LDB2: variants seen among roughly 807,000 people sequenced by gnomAD.
LDB2 encodes LIM domain binding 2.
In LDB2, 12 loss-of-function variants were observed where a neutral mutation model predicts 44.3. The observed-to-expected ratio is 0.27, with a 90% CI of 0.17 to 0.44. The LOEUF (loss-of-function observed/expected upper bound fraction) is 0.44. Ranked by LOEUF, LDB2 falls within the 20% of genes least tolerant of loss-of-function variation. The pLI is 1.00. For missense variants in LDB2, 344 were observed against 473.5 expected, an observed-to-expected ratio of 0.73 and a Z score of 2.54; for synonymous variants, 164 against 174.8, an observed-to-expected ratio of 0.94 and a Z score of 0.49.
intron 1 of LDB2, among the ~76,000 whole-genome samples, chr4:16,817,714 TA>T (rs1781212959): frequency 6.6e-6 from 1 of 152,214 alleles, no homozygotes; most frequent in African/African-American, 2.4e-5. Context: ...ATCCTCAAAG[TA>T]ATCATATAAG....
intron 5 of LDB2, among the ~76,000 whole-genome samples, chr4:16,560,693 G>A (rs1741792935): frequency 6.6e-6 from 1 of 152,182 alleles, no homozygotes; most frequent in African/African-American, 2.4e-5. Flanking sequence ...TAGAAAAAGA[G>A]GGAATCCTCC....
At chr4:16,614,655 A>G (rs1015079883) in intron 2 of LDB2, among the ~76,000 whole-genome samples, 11 of 151,998 alleles carry the variant, frequency 7.2e-5, no homozygotes, top group Non-Finnish European at 1.6e-4. Flanking sequence ...TACTTCTTAA[A>G]AAAAGATATT....
At chr4:16,866,165 G>A (rs1346408631) in intron 1 of LDB2, among the ~76,000 whole-genome samples, 1 of 152,092 alleles carries the variant, frequency 6.6e-6, no homozygotes, top group Non-Finnish European at 1.5e-5. Context: ...TCCGCGAAGT[G>A]CCATTTAAAA....
intron 1 of LDB2, among the ~76,000 whole-genome samples, chr4:16,828,810 A>G (rs1783530760): frequency 1.3e-5 from 2 of 152,212 alleles, no homozygotes; most frequent in Non-Finnish European, 2.9e-5. Flanking sequence ...AGATCATTCA[A>G]TGAATTCTTG....
At position 16,747,410 on chromosome 4, in the gene LDB2, C is replaced by T. The variant is rs56855869; in HGVS notation, c.235+11748G>A. 8.9e-3 allele frequency among the ~76,000 whole-genome samples: 1,347 copies of T among 152,078 alleles called. 26 individuals carry two copies. Among genetic ancestry groups the T allele is most frequent in the African/African-American group, 0.031 (1,285 of 41,490 alleles). On this transcript the variant is annotated intron_variant, in intron 2 of 7. Transcript: ENST00000304523. ...TTTATTTACATAATCAGTGAAACAC[C>T]GTTTATCATTTCTTTTATGGTCCTA...
intron 2 of LDB2, among the ~76,000 whole-genome samples, chr4:16,733,007 A>C (rs1046829584): frequency 4.6e-5 from 7 of 152,174 alleles, no homozygotes; most frequent in Non-Finnish European, 7.3e-5. Flanking sequence ...TCAAATCACA[A>C]TTGGGAGAAC....
In LDB2 at chr4:16,585,951, G is replaced by C. The variant is rs1365496425; in HGVS notation, c.586C>G (p.Leu196Val). 1.2e-6 allele frequency: 2 copies of C among 1,613,734 alleles called. No homozygotes were observed. Among genetic ancestry groups the C allele is most frequent in the East Asian group, 4.5e-5 (2 of 44,864 alleles). ...QLSKNITRMG[L>V]TNFTLNYLRL... is the part of the protein sequence containing the mutation. ...AGGTAGTTGAGGGTGAAGTTTGTTA[G>C]CCCCATCCTGGTGATGTTTTTGGAC... Residue 196 changes from leucine to valine, a missense_variant, in exon 5 of 8, where the codon CTA becomes GTA. Transcript: ENST00000304523.
At position 16,749,567 on chromosome 4, in the gene LDB2, A is replaced by T. The variant is rs10005399; in HGVS notation, c.235+9591T>A. ...GAGCAAGACTCCATCTCAAAAAAAA[A>T]AAAAATAAAAAAATAAAAAAAAATA... On this transcript the variant is annotated intron_variant, in intron 2 of 7. Coordinates refer to ENST00000304523, the MANE Select transcript of LDB2 (RefSeq NM_001290.5). 9.1e-3 allele frequency among the ~76,000 whole-genome samples: 1,253 copies of T among 137,030 alleles called. 18 individuals carry two copies. Among genetic ancestry groups the T allele is most frequent in the African/African-American group, 0.031 (1,054 of 34,544 alleles). The allele number at this position is 137,030 out of a possible 152,430, so 89.9% of individuals were successfully genotyped here.
intron 2 of LDB2, among the ~76,000 whole-genome samples, chr4:16,638,351 T>C (rs1734188448): frequency 6.6e-6 from 1 of 152,172 alleles, no homozygotes; most frequent in Non-Finnish European, 1.5e-5. Flanking sequence ...CAAATGAGCG[T>C]TCACCGTTCA....
chr4:16,888,150 G>T (rs1314194288), intron 1 of LDB2, among the ~76,000 whole-genome samples: 1 of 152,218 alleles, frequency 6.6e-6, no homozygotes. Flanking sequence ...GTGCTGGGCT[G>T]CATATTGAGA....
At position 16,582,822 on chromosome 4, in the gene LDB2, C is replaced by T. The variant is rs916315960; in HGVS notation, c.615+3100G>A. Among the ~76,000 whole-genome samples, 1 of 152,166 alleles carries T rather than the reference C, an allele frequency of 6.6e-6. No individual in the cohort carries two copies. Among genetic ancestry groups the T allele is most frequent in the Non-Finnish European group, 1.5e-5 (1 of 68,042 alleles). ...CCAGCCACAGCTCCACTGGGACCAC[C>T]AAGTCAGCCATCATCGTACCTCTTA... On this transcript the variant is annotated intron_variant, in intron 5 of 7. Transcript: ENST00000304523. This position sits in a 1 kb window ranked among gnomAD's most constrained non-coding sequence, Gnocchi z 4.8.
At chr4:16,590,477 C>T (rs1168924757) in intron 3 of LDB2, among the ~76,000 whole-genome samples, 1 of 152,200 alleles carries the variant, frequency 6.6e-6, no homozygotes, top group African/African-American at 2.4e-5. Context: ...AAATGTAACA[C>T]AAAACACCAC....
intron 1 of LDB2, among the ~76,000 whole-genome samples, chr4:16,876,332 G>T (rs563147512): frequency 6.6e-6 from 1 of 152,278 alleles, no homozygotes; most frequent in South Asian, 2.1e-4. Flanking sequence ...CTCTAACGCT[G>T]CCTCTAATTT....
intron 1 of LDB2, among the ~76,000 whole-genome samples, chr4:16,788,016 G>A (rs1774838744): frequency 6.6e-6 from 1 of 152,144 alleles, no homozygotes; most frequent in Admixed American, 6.5e-5. Flanking sequence ...CCAAGCTTGG[G>A]GTGCATGTGC....
chr4:16,613,720 AG>A (rs1170211042), intron 2 of LDB2, among the ~76,000 whole-genome samples: 1 of 152,304 alleles, frequency 6.6e-6, no homozygotes, highest in East Asian at 1.9e-4. Context: ...AGTGATGTAA[AG>A]GACCTTTTCA....
chr4:16,732,523 C>A (rs1470350904), intron 2 of LDB2, among the ~76,000 whole-genome samples: 4 of 152,164 alleles, frequency 2.6e-5, no homozygotes, highest in Non-Finnish European at 5.9e-5. Flanking sequence ...TAATTCAATT[C>A]CTCATTAATA....
Position 16,836,425 on chromosome 4 carries a change from T to C in LDB2, c.132+61929A>G, listed in dbSNP as rs60938252. On this transcript the variant is annotated intron_variant, in intron 1 of 7. Transcript: ENST00000304523. ...TACTCCCAGGTGCTCAGGAAGTCCA[T>C]AGGTTTCCATTTTCCAGCTGGGCAA... Among the ~76,000 whole-genome samples the C allele has an allele frequency of 7.3e-3, 1,116 of 152,334 alleles. 16 individuals are homozygous for C. Among genetic ancestry groups the C allele is most frequent in the African/African-American group, 0.025 (1,043 of 41,568 alleles).
intron 5 of LDB2, among the ~76,000 whole-genome samples, chr4:16,577,926 T>G (rs1273656271): frequency 2.0e-5 from 3 of 152,000 alleles, no homozygotes; most frequent in Non-Finnish European, 4.4e-5. Context: ...TACAGTAAAC[T>G]CATTTTCAAA....
At chr4:16,608,000 T>C (rs533055531) in intron 2 of LDB2, among the ~76,000 whole-genome samples, 12 of 152,116 alleles carry the variant, frequency 7.9e-5, no homozygotes, top group Non-Finnish European at 1.5e-4. Context: ...GGAATTTTCA[T>C]ATCTCAATGT....
Sources: allele counts gnomAD v4.1 joint callset (sites outside exome capture counted in the v4.1 genomes callset), GRCh38; gene constraint gnomAD v4.1.1; non-coding constraint Gnocchi (gnomAD v3.1); transcripts MANE v1.5; gene names NCBI Gene and HGNC (gene_info 2026-07-23, HGNC 2026-07-21).